The following AP3D1 variants were observed in gnomAD, a reference collection of about 807,000 sequenced individuals.
AP3D1 encodes the protein adaptor related protein complex 3 subunit delta 1.
A neutral mutation model predicts 147.6 loss-of-function variants in AP3D1; 51 were observed. The observed-to-expected ratio is 0.35, with a 90% CI of 0.28 to 0.44. The LOEUF (loss-of-function observed/expected upper bound fraction) is 0.44, where lower values mean the gene tolerates loss of function less well. Ranked by LOEUF, AP3D1 falls within the 20% of genes least tolerant of loss-of-function variation. AP3D1 has a pLI of 1.00. For synonymous variants in AP3D1, 760 were observed against 663.0 expected (o/e 1.15, Z -2.25); for missense variants, 1,421 against 1,624.2 (o/e 0.87, Z 2.15).
intron 31 of AP3D1, among the ~76,000 whole-genome samples, chr19:2,103,904 C>G (rs2018029465): frequency 3.9e-5 from 6 of 151,944 alleles, no homozygotes; most frequent in Admixed American, 3.9e-4. Flanking sequence ...TCGGTAGACC[C>G]CAATGCCAAG....
At chr19:2,109,023 G>A (rs564668060) in intron 30 of AP3D1, 63 bp downstream of exon 30, 2 of 1,592,486 alleles carry the variant, frequency 1.3e-6, no homozygotes, top group East Asian at 4.5e-5. Flanking sequence ...GCTCCAATAG[G>A]AAGGGACAGC....
chr19:2,126,071 G>C (rs1239951877), intron 9 of AP3D1, among the ~76,000 whole-genome samples: 1 of 152,200 alleles, frequency 6.6e-6, no homozygotes, highest in African/African-American at 2.4e-5. Flanking sequence ...AGGCTGCAGT[G>C]AGCTATGATC....
chr19:2,101,927 C>G lies in AP3D1; in HGVS notation c.*246G>C. The stretch of plus-strand genomic sequence containing the variant: ...GGCACAGACCCAGGTGGGGGAGTCC[C>G]TTGCTGGTTTGGGGGCGAGAAGGGG... On this transcript the variant is annotated 3_prime_UTR_variant, in exon 32 of 32. Coordinates refer to ENST00000643116, the MANE Select transcript of AP3D1 (RefSeq NM_001261826.3). The G allele has an allele frequency of 2.0e-6, 1 of 501,850 alleles. No individual in the cohort carries two copies. The highest frequency in any genetic ancestry group is 3.6e-6 in the Non-Finnish European group (1 of 279,444). The allele number at this position is 501,850 out of a possible 1,614,324, so 31.1% of individuals were successfully genotyped here.
chr19:2,158,084 C>G (rs34032327), intron 1 of AP3D1, among the ~76,000 whole-genome samples: 43,635 of 151,982 alleles, frequency 0.29, 7,779 homozygotes, highest in Non-Finnish European at 0.41. Context: ...GAGACAGAGT[C>G]TTGCTCTGTC....
intron 9 of AP3D1, among the ~76,000 whole-genome samples, chr19:2,125,917 C>A (rs2018742745): frequency 6.6e-6 from 1 of 151,752 alleles, no homozygotes; most frequent in African/African-American, 2.4e-5. Flanking sequence ...GAGGTCAAGG[C>A]AGGAGGATGG....
chr19:2,108,038 A>G (rs541267796), intron 31 of AP3D1, among the ~76,000 whole-genome samples: 1 of 152,348 alleles, frequency 6.6e-6, no homozygotes, highest in East Asian at 1.9e-4. Context: ...GGAACTCCCC[A>G]GGCCCGATGG....
chr19:2,164,524 G>A, upstream of AP3D1: 1 of 297,250 alleles, frequency 3.4e-6, no homozygotes. Context: ...CGTTGCCCCC[G>A]CCGGGCTGTC....
intron 5 of AP3D1, among the ~76,000 whole-genome samples, chr19:2,132,081 G>C (rs2018966007): frequency 6.6e-6 from 1 of 152,118 alleles, no homozygotes; most frequent in Non-Finnish European, 1.5e-5. Flanking sequence ...ACAGCCGGGG[G>C]CGTAGCCTTT....
intron 9 of AP3D1, among the ~76,000 whole-genome samples, chr19:2,125,295 G>A (rs901548309): frequency 6.6e-6 from 1 of 152,132 alleles, no homozygotes; most frequent in African/African-American, 2.4e-5. Flanking sequence ...AATCTTTGTA[G>A]GAGTGTTGTT....
Position 2,121,002 on chromosome 19 carries a change from G to A in AP3D1, c.1341C>T (p.Arg447=), listed in dbSNP as rs759116087. Residue 447 remains arginine, a synonymous_variant, in exon 14 of 32, where the codon CGC becomes CGT. Coordinates refer to ENST00000643116, the MANE Select transcript of AP3D1 (RefSeq NM_001261826.3). ...CGGCGAACTTGCGGATGGCCTTCACGCGGATGGCCACGTCCAGCATTTGGG... is the reference window on the plus strand; with the variant it reads ...CGGCGAACTTGCGGATGGCCTTCACACGGATGGCCACGTCCAGCATTTGGG... ...IAAQMLDVAI[R]VKAIRKFAVS... 9.9e-6 allele frequency: 16 copies of A among 1,612,172 alleles called. No individual in the cohort carries two copies. The highest frequency in any genetic ancestry group is 6.6e-5 in the South Asian group (6 of 91,086).
At position 2,116,220 on chromosome 19, in the gene AP3D1, G is replaced by A. The variant is rs1428409833; in HGVS notation, c.2060C>T (p.Pro687Leu). 7 of 1,614,184 alleles carry A rather than the reference G, an allele frequency of 4.3e-6. No individual in the cohort carries two copies. Among genetic ancestry groups the A allele is most frequent in the Non-Finnish European group, 4.2e-6 (5 of 1,180,014 alleles). The change falls in exon 18 of 32, where the codon CCA becomes CTA. Residue 687 changes from proline to leucine, a missense_variant. By Grantham distance (98) the Pro-to-Leu change is moderately conservative. Transcript: ENST00000643116. ...ANNPFYIKSS[P>L]SPQKRYQDTP... ...GACGGGCCTCACCTTCTGTGGCGAT[G>A]GCGAGCTCTTGATGTAGAAGGGGTT...
rs1325272641 is a variant in AP3D1, at chr19:2,114,139, C to CCTT, written c.2584_2586dup (p.Lys862dup). ...ACTAGCCTTACCTTCTTCTCCTTCT[C>CCTT]CTTCTTCTTCTCCTTGTCTCTCTCT... is the stretch of plus-strand genomic sequence containing the variant. On this transcript the variant is annotated inframe_insertion, in exon 22 of 32. Coordinates refer to ENST00000643116, the MANE Select transcript of AP3D1 (RefSeq NM_001261826.3). 2.6e-6 allele frequency: 4 copies of CCTT among 1,556,546 alleles called. No individual in the cohort carries two copies. In the Admixed American group the frequency reaches 5.9e-5, roughly 23 times the overall value.
intron 1 of AP3D1, among the ~76,000 whole-genome samples, chr19:2,145,622 G>A (rs985059938): frequency 3.3e-5 from 5 of 152,062 alleles, no homozygotes; most frequent in Non-Finnish European, 7.4e-5. Flanking sequence ...TGGCGTCGCC[G>A]CTCCTGCCCT....
At chr19:2,139,504 G>A (rs1024923720) in intron 1 of AP3D1, among the ~76,000 whole-genome samples, 1 of 152,208 alleles carries the variant, frequency 6.6e-6, no homozygotes, top group Admixed American at 6.5e-5. Context: ...GGTCCAGAAT[G>A]GCAGACAAGG....
At chr19:2,140,704 C>T (rs995330321) in intron 1 of AP3D1, among the ~76,000 whole-genome samples, 1 of 150,484 alleles carries the variant, frequency 6.6e-6, no homozygotes, top group African/African-American at 2.4e-5. Flanking sequence ...TGGCTTTTAA[C>T]TTCTGATAAA....
Position 2,101,776 on chromosome 19 carries a change from C to G in AP3D1, c.*397G>C, listed in dbSNP as rs1054896403. On this transcript the variant is annotated 3_prime_UTR_variant, in exon 32 of 32. Coordinates refer to ENST00000643116, the MANE Select transcript of AP3D1 (RefSeq NM_001261826.3). ...ACCTTTGGGTCAAAAGCAGGCGACCCCAGAGGAGGCCACGTCAGCCCCGCC... is the reference window on the plus strand; with the variant it reads ...ACCTTTGGGTCAAAAGCAGGCGACCGCAGAGGAGGCCACGTCAGCCCCGCC... 1.1e-5 allele frequency: 2 copies of G among 180,172 alleles called. No individual in the cohort carries two copies. The highest frequency in any genetic ancestry group is 2.3e-5 in the Non-Finnish European group (2 of 85,364). The allele number at this position is 180,172 out of a possible 1,614,324, so 11.2% of individuals were successfully genotyped here.
upstream of AP3D1, among the ~76,000 whole-genome samples, chr19:2,153,337 G>T (rs1369894690): frequency 6.9e-6 from 1 of 144,294 alleles, no homozygotes. Flanking sequence ...TTGCGCCACT[G>T]CACTCTAGGC....
rs781560482 is a variant in AP3D1 at position 2,123,926 on chromosome 19, C to T, written c.857-47G>A. 97 of 1,553,304 alleles carry T rather than the reference C, an allele frequency of 6.2e-5. No individual in the cohort carries two copies. In the Middle Eastern group the frequency reaches 8.3e-4, roughly 13 times the overall value. ...GCACCACGGTCAGCACCATGGCCAGCGCCGACACCAACTCAGGGCCACGGG... is the reference window on the plus strand; with the variant it reads ...GCACCACGGTCAGCACCATGGCCAGTGCCGACACCAACTCAGGGCCACGGG... On this transcript the variant is annotated intron_variant, in intron 9 of 31. Coordinates refer to ENST00000643116, the MANE Select transcript of AP3D1 (RefSeq NM_001261826.3).
chr19:2,101,375 G>A lies in AP3D1; in HGVS notation c.*798C>T, dbSNP rs1202665490. ...AACAGCCCAGGTCCGCTGCTTCCAG[G>A]CCCTGCCTGGGCCTTCCTAAGGGTG... On this transcript the variant is annotated 3_prime_UTR_variant, in exon 32 of 32. Transcript: ENST00000643116. The A allele has an allele frequency of 6.6e-6, 1 of 152,228 alleles. No homozygotes were observed. Among genetic ancestry groups the A allele is most frequent in the African/African-American group, 2.4e-5 (1 of 41,432 alleles). The allele number at this position is 152,228 out of a possible 1,614,324, so 9.4% of individuals were successfully genotyped here.
Sources: allele counts gnomAD v4.1 joint callset (sites outside exome capture counted in the v4.1 genomes callset), GRCh38; gene constraint gnomAD v4.1.1; transcripts MANE v1.5; gene names NCBI Gene and HGNC (gene_info 2026-07-23, HGNC 2026-07-21).